Variants in CIP2A observed in about 807,000 individuals in gnomAD.
CIP2A encodes the protein cellular inhibitor of PP2A.
In CIP2A, 103 loss-of-function variants were observed where a neutral mutation model predicts 110.9. That is an observed-to-expected ratio of 0.93 (90% CI 0.79 to 1.09). CIP2A has a LOEUF of 1.09. Among genes scored for constraint, CIP2A ranks in the 50% least tolerant of loss-of-function variants. The pLI, the probability that CIP2A is intolerant of heterozygous loss-of-function variation, is 0.00. For synonymous variants in CIP2A, 381 were observed against 361.6 expected (o/e 1.05, Z -0.61); for missense variants, 1,088 against 1,038.4 (o/e 1.05, Z -0.66).
At chr3:108,559,461 T>A (rs553934774) in intron 16 of CIP2A, among the ~76,000 whole-genome samples, 1 of 152,066 alleles carries the variant, frequency 6.6e-6, no homozygotes, top group Non-Finnish European at 1.5e-5. Context: ...TTGGTAACCA[T>A]TGAAACCACA....
intron 4 of CIP2A, 53 bp from the exon 5 acceptor site, chr3:108,581,564 A>G: frequency 2.8e-6 from 3 of 1,061,250 alleles, no homozygotes; most frequent in Non-Finnish European, 4.3e-6. Flanking sequence ...AAAGAAAAAA[A>G]GCATTAACAT....
intron 7 of CIP2A, among the ~76,000 whole-genome samples, chr3:108,577,669 C>T (rs551504863): frequency 4.6e-5 from 7 of 152,220 alleles, no homozygotes; most frequent in South Asian, 4.1e-4. Flanking sequence ...GAGGCTGAAG[C>T]GGGTGGATCG....
rs778432036 is a variant in CIP2A, at chr3:108,563,242, G to A, written c.1518C>T (p.Asp506=). 2 of 1,590,632 alleles carry A rather than the reference G, an allele frequency of 1.3e-6. No individual in the cohort carries two copies. The highest frequency in any genetic ancestry group is 1.1e-5 in the South Asian group (1 of 90,268). The change falls in exon 13 of 21, where the codon GAC becomes GAT. Residue 506 remains aspartate, a splice_region_variant and synonymous_variant. Coordinates refer to ENST00000295746, the MANE Select transcript of CIP2A (RefSeq NM_020890.3). The part of the protein sequence containing the change: ...MEVSFYKILQ[D]PRLITPLAFA... ...AAGCCAAAGGAGTAATCAAACGTGG[G>A]TCCTAAATAAATCAGAAACCAAAAA... is the stretch of plus-strand genomic sequence containing the variant.
chr3:108,570,397 G>A (rs1938348082), intron 8 of CIP2A, among the ~76,000 whole-genome samples: 1 of 152,040 alleles, frequency 6.6e-6, no homozygotes, highest in Admixed American at 6.6e-5. Flanking sequence ...TTAATAAACT[G>A]TAGTACAGTC....
At chr3:108,585,805 C>G (rs934564297) in intron 1 of CIP2A, 2 of 449,566 alleles carry the variant, frequency 4.4e-6, no homozygotes, top group African/African-American at 2.0e-5. Context: ...TTTTAAGTAG[C>G]CAGGCAAGGC....
chr3:108,559,282 C>G (rs1937917199), intron 16 of CIP2A, among the ~76,000 whole-genome samples: 1 of 151,992 alleles, frequency 6.6e-6, no homozygotes, highest in Non-Finnish European at 1.5e-5. Flanking sequence ...ACACTAAAAA[C>G]AGAAGAGGGA....
chr3:108,572,231 G>A (rs1434290769), intron 8 of CIP2A, among the ~76,000 whole-genome samples: 1 of 151,846 alleles, frequency 6.6e-6, no homozygotes, highest in East Asian at 1.9e-4. Context: ...TGTATAGTTA[G>A]TGCTTTTGTT....
intron 17 of CIP2A, among the ~76,000 whole-genome samples, chr3:108,554,902 T>C (rs1389519948): frequency 6.6e-6 from 1 of 152,228 alleles, no homozygotes; most frequent in Admixed American, 6.5e-5. Flanking sequence ...AAGTAATACT[T>C]TGATACTCAA....
intron 1 of CIP2A, among the ~76,000 whole-genome samples, chr3:108,588,980 G>A (rs919945850): frequency 6.6e-6 from 1 of 152,164 alleles, no homozygotes; most frequent in Non-Finnish European, 1.5e-5. Context: ...AAAACTAGAA[G>A]CAAAGGAAAA....
At chr3:108,572,883 T>C (rs1475707812) in intron 8 of CIP2A, among the ~76,000 whole-genome samples, 2 of 152,044 alleles carry the variant, frequency 1.3e-5, no homozygotes, top group African/African-American at 4.8e-5. Context: ...TCTTTTCTTA[T>C]TCCTAATCTT....
At position 108,575,433 on chromosome 3, in the gene CIP2A, CACAT is replaced by C. The variant is rs1200743875; in HGVS notation, c.894+834_894+837del. ...ATGTATACATATACATGTATACATA[CACAT>C]ACATATATACATATACATGTATACA... On this transcript the variant is annotated intron_variant, in intron 8 of 20. Coordinates refer to ENST00000295746, the MANE Select transcript of CIP2A (RefSeq NM_020890.3). Among the ~76,000 whole-genome samples, 24 of 146,074 alleles carry C rather than the reference CACAT, an allele frequency of 1.6e-4. 1 individual carries two copies. Among genetic ancestry groups the C allele is most frequent in the South Asian group, 1.5e-3 (7 of 4,570 alleles).
chr3:108,571,058 A>G (rs1938389317), intron 8 of CIP2A, among the ~76,000 whole-genome samples: 1 of 152,074 alleles, frequency 6.6e-6, no homozygotes, highest in African/African-American at 2.4e-5. Flanking sequence ...GGGCCAGGGT[A>G]ATCAACACCA....
intron 5 of CIP2A, 114 bp downstream of exon 5, chr3:108,581,301 T>TA: frequency 1.4e-6 from 1 of 725,252 alleles, no homozygotes. Flanking sequence ...GGTCATCCGA[T>TA]AAGACACAGA....
Position 108,568,249 on chromosome 3 carries a change from G to T in CIP2A, c.1179C>A (p.Ile393=). The T allele has an allele frequency of 6.2e-7, 1 of 1,612,268 alleles. No individual in the cohort carries two copies. ...DRFVTLLLPT[I]LDQLQFTEQN... is the part of the protein sequence containing the mutation. ...GTTCTGTGAACTGAAGTTGATCAAG[G>T]ATTGTAGGCAGCAGAAGGGTCACAA... Residue 393 remains isoleucine (I), a synonymous_variant, in exon 10 of 21, where the codon ATC becomes ATA. Transcript: ENST00000295746.
chr3:108,577,071 T>G (rs1266133242), intron 7 of CIP2A, among the ~76,000 whole-genome samples: 2 of 152,168 alleles, frequency 1.3e-5, no homozygotes, highest in African/African-American at 2.4e-5. Context: ...AGTATTCTAG[T>G]CTTCCAGAGG....
intron 1 of CIP2A, among the ~76,000 whole-genome samples, 182 bp downstream of exon 1, chr3:108,589,092 T>C (rs112046415): frequency 7.2e-5 from 11 of 152,348 alleles, no homozygotes; most frequent in African/African-American, 2.4e-4. Flanking sequence ...TGAGCGCTCT[T>C]GCCTCTCGCT....
chr3:108,553,252 G>A (rs2107308264), intron 19 of CIP2A, among the ~76,000 whole-genome samples: 1 of 148,482 alleles, frequency 6.7e-6, no homozygotes, highest in South Asian at 2.1e-4. Flanking sequence ...GTAGCTTCCT[G>A]AGTAGCTGGA....
intron 17 of CIP2A, among the ~76,000 whole-genome samples, chr3:108,554,702 CTATGAAATAGAAATG>C (rs758357307): frequency 2.5e-4 from 38 of 152,256 alleles, no homozygotes; most frequent in Non-Finnish European, 3.4e-4. Flanking sequence ...GTAAAAATTA[CTATGAAATAGAAATG>C]TGTGGGGCAT....
At chr3:108,552,420 G>C (rs1428704776) in intron 19 of CIP2A, 47 bp from the exon 20 acceptor site, 46 of 1,257,534 alleles carry the variant, frequency 3.7e-5, no homozygotes, top group Non-Finnish European at 4.9e-5. Context: ...GTCTTACACT[G>C]ACTACTCTGA....
Sources: gnomAD v4.1 joint callset for allele counts (sites outside exome capture counted in the v4.1 genomes callset) on GRCh38, gnomAD v4.1.1 for gene constraint, MANE v1.5 for transcripts, NCBI Gene and HGNC (gene_info 2026-07-23, HGNC 2026-07-21) for gene names.